The following PIK3C2G variants were observed in gnomAD, a reference collection of about 807,000 sequenced individuals.
The protein encoded by PIK3C2G is phosphatidylinositol-4-phosphate 3-kinase catalytic subunit type 2 gamma.
A neutral mutation model predicts 181.1 loss-of-function variants in PIK3C2G; 168 were observed. That is an observed-to-expected ratio of 0.93 (90% CI 0.82 to 1.05). The LOEUF (loss-of-function observed/expected upper bound fraction) is 1.05. Among genes scored for constraint, PIK3C2G ranks in the 50% least tolerant of loss-of-function variants. The pLI is 0.00. For synonymous variants in PIK3C2G, 573 were observed against 592.2 expected (o/e 0.97, Z 0.47); for missense variants, 1,869 against 1,732.8 (o/e 1.08, Z -1.40).
intron 1 of PIK3C2G, among the ~76,000 whole-genome samples, chr12:18,254,862 T>C (rs929968409): frequency 2.0e-5 from 3 of 151,300 alleles, no homozygotes; most frequent in Non-Finnish European, 2.9e-5. Flanking sequence ...AAAATAATAA[T>C]AATAATAATA....
intron 16 of PIK3C2G, among the ~76,000 whole-genome samples, chr12:18,417,556 G>T (rs956432990): frequency 2.0e-5 from 3 of 152,018 alleles, no homozygotes; most frequent in Non-Finnish European, 4.4e-5. Context: ...TCAGTCCACA[G>T]GCATCAACAT....
chr12:18,657,356 C>G, the PIK3C2G span, among the ~76,000 whole-genome samples: 1 of 152,064 alleles, frequency 6.6e-6, no homozygotes, highest in Non-Finnish European at 1.5e-5. Context: ...GGATCATATT[C>G]AGAAAATACC....
At chr12:18,530,624 C>A (rs149707695) in intron 24 of PIK3C2G, among the ~76,000 whole-genome samples, 1 of 152,280 alleles carries the variant, frequency 6.6e-6, no homozygotes, top group African/African-American at 2.4e-5. Flanking sequence ...CCACCCAAAT[C>A]TCACGTTGAA....
At chr12:18,720,140 C>G in the PIK3C2G span, among the ~76,000 whole-genome samples, 1 of 152,040 alleles carries the variant, frequency 6.6e-6, no homozygotes, top group Non-Finnish European at 1.5e-5. Flanking sequence ...TTCTTTTACT[C>G]AACATTCTAT....
the PIK3C2G span, chr12:18,712,757 G>A: frequency 6.7e-7 from 1 of 1,484,398 alleles, no homozygotes; most frequent in Non-Finnish European, 9.4e-7. Context: ...TCTAAAGTAA[G>A]GCTAAGCATT....
In PIK3C2G at chr12:18,488,548, G is replaced by GT; in HGVS notation, c.2608dup (p.Ser870PhefsTer22). ...GTGCAGGTAAAGCCTTGAATGATGA[G>GT]TTTTCCAAGGAGCAGAAACTTATCA... On this transcript the variant is annotated frameshift_variant, in exon 19 of 33. Transcript: ENST00000538779. LOFTEE classifies it high-confidence loss of function. 1 of 1,592,018 alleles carries GT rather than the reference G, an allele frequency of 6.3e-7. No individual in the cohort carries two copies. Among genetic ancestry groups the GT allele is most frequent in the Non-Finnish European group, 8.6e-7 (1 of 1,168,712 alleles).
intron 6 of PIK3C2G, among the ~76,000 whole-genome samples, chr12:18,318,943 A>T (rs1441629979): frequency 6.6e-6 from 1 of 151,874 alleles, no homozygotes; most frequent in Non-Finnish European, 1.5e-5. Flanking sequence ...AAAATAGCCA[A>T]ACCTGGTGTT....
chr12:18,507,777 G>A (rs535880256), intron 24 of PIK3C2G, among the ~76,000 whole-genome samples: 1 of 152,040 alleles, frequency 6.6e-6, no homozygotes, highest in African/African-American at 2.4e-5. Context: ...AATGAAAAAA[G>A]ATATTTCAGC....
At chr12:18,651,562 G>A (rs1401151685), downstream of PIK3C2G, among the ~76,000 whole-genome samples, 1 of 152,120 alleles carries the variant, frequency 6.6e-6, no homozygotes, top group Non-Finnish European at 1.5e-5. Flanking sequence ...TTGCCCTGGT[G>A]TCCTCACCAT....
intron 18 of PIK3C2G, among the ~76,000 whole-genome samples, chr12:18,426,742 C>T (rs1945836678): frequency 6.6e-6 from 1 of 152,160 alleles, no homozygotes; most frequent in Non-Finnish European, 1.5e-5. Flanking sequence ...ATAATGAGAT[C>T]ACTCTTCTCA....
chr12:18,673,159 A>G, the PIK3C2G span, among the ~76,000 whole-genome samples: 7 of 152,208 alleles, frequency 4.6e-5, no homozygotes, highest in Non-Finnish European at 7.3e-5. Context: ...GAATTTATTC[A>G]TGTTTTTAAT....
At chr12:18,606,494 A>G (rs138149770) in intron 30 of PIK3C2G, among the ~76,000 whole-genome samples, 1 of 152,076 alleles carries the variant, frequency 6.6e-6, no homozygotes, top group East Asian at 1.9e-4. Flanking sequence ...TGTAATCAAG[A>G]TATTATAAGT....
chr12:18,503,304 G>A lies in PIK3C2G; in HGVS notation c.3040G>A (p.Ala1014Thr). The change falls in exon 23 of 33, where the codon GCT becomes ACT. Residue 1014 changes from alanine (A) to threonine (T), a missense_variant. By Grantham distance (58) the Ala-to-Thr change is moderately conservative. Transcript: ENST00000538779. ...AGGATTGGTGCAGATGGTACCTGATGCTGTGACCCTAGCAAAGATTCATCG... is the reference window on the plus strand; with the variant it reads ...AGGATTGGTGCAGATGGTACCTGATACTGTGACCCTAGCAAAGATTCATCG... The part of the protein sequence containing the change: ...DQGLVQMVPD[A>T]VTLAKIHRHS... The A allele has an allele frequency of 6.2e-7, 1 of 1,610,586 alleles. No homozygotes were observed. The highest frequency in any genetic ancestry group is 8.5e-7 in the Non-Finnish European group (1 of 1,178,126).
At chr12:18,683,748 T>C in the PIK3C2G span, 3 of 669,762 alleles carry the variant, frequency 4.5e-6, no homozygotes, top group African/African-American at 5.5e-5. Flanking sequence ...CAGGAAAGGA[T>C]AGTCTCAGGC....
chr12:18,501,282 A>C (rs1456776940), intron 22 of PIK3C2G, among the ~76,000 whole-genome samples: 1 of 152,194 alleles, frequency 6.6e-6, no homozygotes, highest in African/African-American at 2.4e-5. Flanking sequence ...GGTGAAGCGG[A>C]AGCAAGGGCC....
At chr12:18,438,652 C>T (rs1489323261) in intron 18 of PIK3C2G, among the ~76,000 whole-genome samples, 2 of 151,792 alleles carry the variant, frequency 1.3e-5, no homozygotes, top group Non-Finnish European at 2.9e-5. Flanking sequence ...GTGCCTCATA[C>T]ATTAGTACCC....
At chr12:18,314,826 AT>A (rs1398730736) in intron 6 of PIK3C2G, among the ~76,000 whole-genome samples, 1 of 152,238 alleles carries the variant, frequency 6.6e-6, no homozygotes, top group Non-Finnish European at 1.5e-5. Flanking sequence ...AGGCAAAAAA[AT>A]AACTTGTTTT....
chr12:18,549,183 G>A (rs893644091), intron 26 of PIK3C2G, among the ~76,000 whole-genome samples: 4 of 151,784 alleles, frequency 2.6e-5, no homozygotes, highest in African/African-American at 7.3e-5. Flanking sequence ...GCCGTCTTTT[G>A]TGCTGTCCTT....
intron 18 of PIK3C2G, among the ~76,000 whole-genome samples, chr12:18,436,489 A>G (rs956143063): frequency 1.3e-5 from 2 of 152,036 alleles, no homozygotes; most frequent in Non-Finnish European, 2.9e-5. Flanking sequence ...GGGAGAGTAG[A>G]TTTGGTATAG....
Sources: gnomAD v4.1 joint callset for allele counts (sites outside exome capture counted in the v4.1 genomes callset) on GRCh38, gnomAD v4.1.1 for gene constraint, MANE v1.5 for transcripts, NCBI Gene and HGNC (gene_info 2026-07-23, HGNC 2026-07-21) for gene names.